The following PAH variants were observed in gnomAD, a reference collection of about 807,000 sequenced individuals.
The protein encoded by PAH is phenylalanine-4-hydroxylase.
In PAH, 64 loss-of-function variants were observed where a neutral mutation model predicts 62.0. That is an observed-to-expected ratio of 1.03 (90% CI 0.84 to 1.27). PAH has a LOEUF of 1.27. Ranked by LOEUF, PAH falls within the 50% of genes most tolerant of loss-of-function variation. The pLI is 0.00. For missense variants in PAH, 579 were observed against 542.8 expected, an observed-to-expected ratio of 1.07 and a Z score of -0.66; for synonymous variants, 195 against 196.2, an observed-to-expected ratio of 0.99 and a Z score of 0.05.
rs538060963 is a variant in PAH at position 102,884,682 on chromosome 12, T to C, written c.353-7132A>G. Among the ~76,000 whole-genome samples the C allele has an allele frequency of 1.5e-3, 227 of 152,244 alleles. 2 individuals are homozygous for C. The highest frequency in any genetic ancestry group is 1.7e-3 in the Non-Finnish European group (116 of 68,014). Reference sequence around the variant, plus strand: ...CCTCATAATAAACTCCAGAGTTGCTTGTCTGACTAAGATAGTGGTCCCAGA... The same window carrying C: ...CCTCATAATAAACTCCAGAGTTGCTCGTCTGACTAAGATAGTGGTCCCAGA... On this transcript the variant is annotated intron_variant, in intron 3 of 12. Transcript: ENST00000553106.
intron 5 of PAH, among the ~76,000 whole-genome samples, chr12:102,855,900 T>C (rs1875402720): frequency 6.6e-6 from 1 of 152,100 alleles, no homozygotes; most frequent in Admixed American, 6.6e-5. Context: ...TTGATATTTC[T>C]GCTCCTGGGA....
Position 102,852,828 on chromosome 12 carries a change from A to G in PAH, c.829T>C (p.Tyr277His). 6.2e-7 allele frequency: 1 copy of G among 1,614,082 alleles called. No homozygotes were observed. The highest frequency in any genetic ancestry group is 8.5e-7 in the Non-Finnish European group (1 of 1,179,960). The change falls in exon 7 of 13, where the codon TAT (tyrosine) becomes CAT (histidine). Residue 277 changes from tyrosine (Y) to histidine (H), a missense_variant. By Grantham distance (83) the Tyr-to-His change is moderately conservative. Coordinates refer to ENST00000553106, the MANE Select transcript of PAH (RefSeq NM_000277.3). ...QYIRHGSKPM[Y>H]TPEPDICHEL... ...GACAGTACTCACGGTTCGGGGGTAT[A>G]CATGGGCTTGGATCCATGTCTGATG...
At chr12:102,953,883 C>T (rs1311618344), upstream of PAH, 2 of 152,240 alleles carry the variant, frequency 1.3e-5, no homozygotes, top group East Asian at 3.8e-4. Flanking sequence ...TGTGGAGAGA[C>T]TTGCAAAGCA....
chr12:102,924,176 C>A lies in PAH; in HGVS notation c.-95-6951G>T, dbSNP rs545669342. Reference sequence around the variant, plus strand: ...ATCTCTAGTGAAATTCTCTTCCCAGCCATTTGTTTTAGTCTTCTGGTTTGT... The same window carrying A: ...ATCTCTAGTGAAATTCTCTTCCCAGACATTTGTTTTAGTCTTCTGGTTTGT... On this transcript the variant is annotated intron_variant, in intron 1 of 3. Coordinates refer to the PAH transcript ENST00000546844. Among the ~76,000 whole-genome samples, 15 of 152,294 alleles carry A rather than the reference C, an allele frequency of 9.8e-5. No homozygotes were observed. The East Asian group carries it at 2.7e-3, about 27-fold the overall frequency.
rs534004498 is a variant in PAH, at chr12:102,879,059, C to T, written c.353-1509G>A. On this transcript the variant is annotated intron_variant, in intron 3 of 12. Coordinates refer to ENST00000553106, the MANE Select transcript of PAH (RefSeq NM_000277.3). ...AGATGCTGAACTTCCAATCAGCATGCGGTCTGGCTTAGAATCCGGGTTCCA... is the reference window on the plus strand; with the variant it reads ...AGATGCTGAACTTCCAATCAGCATGTGGTCTGGCTTAGAATCCGGGTTCCA... 1.1e-4 allele frequency among the ~76,000 whole-genome samples: 17 copies of T among 152,212 alleles called. No individual in the cohort carries two copies. The South Asian group carries it at 1.7e-3, about 15-fold the overall frequency.
rs1592981847 is a variant in PAH at position 102,899,808 on chromosome 12, G to A, written c.169-4890C>T. ...CGGGAGGCGGAGCTTGCAGTGAGCC[G>A]AGATCCCGCCACTGCACTCCAGCCT... is the stretch of plus-strand genomic sequence containing the variant. On this transcript the variant is annotated intron_variant, in intron 2 of 12. Coordinates refer to ENST00000553106, the MANE Select transcript of PAH (RefSeq NM_000277.3). 6.4e-5 allele frequency among the ~76,000 whole-genome samples: 7 copies of A among 110,198 alleles called. 2 individuals carry two copies. The highest frequency in any genetic ancestry group is 7.2e-4 in the South Asian group (2 of 2,788). The allele number at this position is 110,198 out of a possible 152,430, so 72.3% of individuals were successfully genotyped here. A position where few individuals can be genotyped will look rare whatever the true frequency, so the allele number is the denominator to read the frequency against.
intron 1 of PAH, among the ~76,000 whole-genome samples, chr12:102,924,957 T>A (rs1411841731): frequency 6.6e-6 from 1 of 152,178 alleles, no homozygotes; most frequent in Non-Finnish European, 1.5e-5. Flanking sequence ...GTTACACTGA[T>A]GTTCAGGAAT....
chr12:102,873,541 T>C (rs1441133177), intron 4 of PAH, among the ~76,000 whole-genome samples: 1 of 152,234 alleles, frequency 6.6e-6, no homozygotes, highest in African/African-American at 2.4e-5. Flanking sequence ...CTCTGGTTGC[T>C]AGAGGGCTAG....
At chr12:102,908,837 CTTTTT>C (rs3062641) in intron 2 of PAH, among the ~76,000 whole-genome samples, 1 of 119,996 alleles carries the variant, frequency 8.3e-6, no homozygotes, top group Non-Finnish European at 1.7e-5. Flanking sequence ...CCTCATGTCT[CTTTTT>C]TTTTTTTTTT....
At chr12:102,892,927 G>A (rs1052305965) in intron 3 of PAH, among the ~76,000 whole-genome samples, 8 of 152,060 alleles carry the variant, frequency 5.3e-5, no homozygotes, top group Admixed American at 2.0e-4. Context: ...GCATGATCCC[G>A]AATATAAACT....
chr12:102,951,885 A>G (rs1454689791), upstream of PAH, among the ~76,000 whole-genome samples: 1 of 145,874 alleles, frequency 6.9e-6, no homozygotes, highest in Non-Finnish European at 1.5e-5. Flanking sequence ...CTTGCCATTC[A>G]TTGCTTTTTT....
At chr12:102,882,964 A>AAGG (rs978793526) in intron 3 of PAH, among the ~76,000 whole-genome samples, 1 of 152,002 alleles carries the variant, frequency 6.6e-6, no homozygotes, top group Non-Finnish European at 1.5e-5. Flanking sequence ...ATGATGATTA[A>AAGG]AGGAGGAGGA....
intron 2 of PAH, among the ~76,000 whole-genome samples, chr12:102,900,360 T>A (rs1877703513): frequency 6.6e-6 from 1 of 152,204 alleles, no homozygotes; most frequent in Non-Finnish European, 1.5e-5. Flanking sequence ...CATTTATTAC[T>A]TTTATAATAA....
At chr12:102,935,009 T>A (rs1287066989) in intron 1 of PAH, among the ~76,000 whole-genome samples, 1 of 152,144 alleles carries the variant, frequency 6.6e-6, no homozygotes, top group Non-Finnish European at 1.5e-5. Flanking sequence ...CTTTCCCCAT[T>A]CAGCATGACC....
chr12:102,956,817 C>G (rs896196805), intron 1 of PAH, among the ~76,000 whole-genome samples: 2 of 152,108 alleles, frequency 1.3e-5, no homozygotes, highest in African/African-American at 2.4e-5. Context: ...GGCTCACAAC[C>G]ACTCCTCGGT....
intron 1 of PAH, among the ~76,000 whole-genome samples, chr12:102,940,902 T>C (rs909319191): frequency 6.6e-6 from 1 of 152,054 alleles, no homozygotes; most frequent in Admixed American, 6.6e-5. Context: ...GGAAAAAATA[T>C]ATATTAAAGA....
intron 3 of PAH, among the ~76,000 whole-genome samples, chr12:102,880,968 T>A (rs1619404): frequency 0.88 from 132,503 of 149,950 alleles, 58,769 homozygotes; most frequent in African/African-American, 0.96. Context: ...TAATTTATAT[T>A]TACATAATTA....
At chr12:102,875,288 T>G (rs1297641194) in intron 4 of PAH, among the ~76,000 whole-genome samples, 1 of 152,122 alleles carries the variant, frequency 6.6e-6, no homozygotes, top group Non-Finnish European at 1.5e-5. Flanking sequence ...GCCAGCTGCT[T>G]TGGAGGGGAC....
intron 5 of PAH, among the ~76,000 whole-genome samples, chr12:102,856,086 A>G (rs1429379994): frequency 6.8e-6 from 1 of 147,834 alleles, no homozygotes; most frequent in Non-Finnish European, 1.5e-5. Context: ...AACTAAATAA[A>G]TAAGTTCTAG....
Sources: gnomAD v4.1 joint callset for allele counts (sites outside exome capture counted in the v4.1 genomes callset) on GRCh38, gnomAD v4.1.1 for gene constraint, MANE v1.5 for transcripts, NCBI Gene and HGNC (gene_info 2026-07-23, HGNC 2026-07-21) for gene names.